The following MNT variants were observed in gnomAD, a reference collection of about 807,000 sequenced individuals.
The protein encoded by MNT is MAX network transcriptional repressor.
Under a neutral mutation model 40.7 loss-of-function variants are expected in MNT, and 13 were observed. The observed-to-expected ratio is 0.32, with a 90% CI of 0.21 to 0.51. The LOEUF is 0.51. Among genes scored for constraint, MNT ranks in the 20% least tolerant of loss-of-function variants. The pLI is 0.98. For missense variants in MNT, 757 were observed against 792.0 expected, an observed-to-expected ratio of 0.96 and a Z score of 0.53; for synonymous variants, 426 against 354.8, an observed-to-expected ratio of 1.20 and a Z score of -2.26.
At chr17:2,399,046 GGC>G (rs1230138209) in intron 1 of MNT, among the ~76,000 whole-genome samples, 1 of 148,802 alleles carries the variant, frequency 6.7e-6, no homozygotes, top group Non-Finnish European at 1.5e-5. Flanking sequence ...GGCACACGGC[GGC>G]GCGCGCGCAC....
Position 2,387,598 on chromosome 17 carries a change from C to A in MNT, c.1052G>T (p.Gly351Val). The A allele has an allele frequency of 1.2e-6, 2 of 1,614,056 alleles. No homozygotes were observed. Among genetic ancestry groups the A allele is most frequent in the Non-Finnish European group, 1.7e-6 (2 of 1,179,978 alleles). ...EDMEEDRAGL[G>V]PPKLSHRPQP... is the part of the protein sequence containing the mutation. ...GGGACGATGGCTCAGCTTAGGTGGG[C>A]CCAGGCCCGCCCGGTCCTCCTCCAT... is the stretch of plus-strand genomic sequence containing the variant. The change falls in exon 6 of 6, where the codon GGC becomes GTC. Residue 351 changes from glycine to valine, a missense_variant. Physicochemically the swap from Gly to Val is moderately radical, Grantham distance 109. This residue lies in a region of MNT where 345 missense variants were observed against 380.1 expected (regional missense o/e 0.91). Transcript: ENST00000174618.
chr17:2,387,319 G>A lies in MNT; in HGVS notation c.1331C>T (p.Thr444Ile). 1.2e-6 allele frequency: 2 copies of A among 1,613,216 alleles called. No individual in the cohort carries two copies. Among genetic ancestry groups the A allele is most frequent in the Non-Finnish European group, 1.7e-6 (2 of 1,179,778 alleles). Residue 444 changes from threonine to isoleucine, a missense_variant, in exon 6 of 6, where the codon ACA (threonine) becomes ATA (isoleucine). Physicochemically the swap from Thr to Ile is moderately conservative, Grantham distance 89. Transcript: ENST00000174618. ...GATGACTGAAGCGTGAGTGGTGGCT[G>A]TGTGGGCGATGACCGTGGAGCCACC... ...AGGGSTVIAH[T>I]ATTHASVIQT...
At chr17:2,400,157 ACT>A (rs1383150236) in intron 1 of MNT, among the ~76,000 whole-genome samples, 1 of 150,276 alleles carries the variant, frequency 6.7e-6, no homozygotes, top group African/African-American at 2.5e-5. Context: ...CCCCACCCCC[ACT>A]CCGTTACACA....
At position 2,387,105 on chromosome 17, in the gene MNT, C is replaced by A; in HGVS notation, c.1545G>T (p.Val515=). ...GGGTGTGGGCGATGTGGCTCACTGC[C>A]ACGGGCTGCGGGTACAAGGGCAGCT... ...GSQLPLYPQP[V]AVSHIAHTLS... is the part of the protein sequence containing the mutation. Residue 515 remains valine (V), a synonymous_variant, in exon 6 of 6, where the codon GTG becomes GTT. Coordinates refer to ENST00000174618, the MANE Select transcript of MNT (RefSeq NM_020310.3). 1 of 1,581,604 alleles carries A rather than the reference C, an allele frequency of 6.3e-7. No individual in the cohort carries two copies. The highest frequency in any genetic ancestry group is 8.6e-7 in the Non-Finnish European group (1 of 1,164,500).
intron 4 of MNT, 43 bp downstream of exon 4, chr17:2,394,000 A>C (rs1222032615): frequency 7.2e-7 from 1 of 1,394,932 alleles, no homozygotes; most frequent in Non-Finnish European, 9.7e-7. Flanking sequence ...CGGCGGAGGG[A>C]GGGCGGGGGA....
At chr17:2,390,093 A>G (rs1319823171) in intron 4 of MNT, 1 of 152,158 alleles carries the variant, frequency 6.6e-6, no homozygotes, top group Non-Finnish European at 1.5e-5. Flanking sequence ...CTCAACACAC[A>G]CTGTCCCTGT....
In MNT at chr17:2,387,177, G is replaced by A. The variant is rs1338159949; in HGVS notation, c.1473C>T (p.Ile491=). 3 of 1,606,608 alleles carry A rather than the reference G, an allele frequency of 1.9e-6. No individual in the cohort carries two copies. In the Admixed American group the frequency reaches 5.1e-5, roughly 28 times the overall value. Residue 491 remains isoleucine, a synonymous_variant, in exon 6 of 6, where the codon ATC becomes ATT. Coordinates refer to ENST00000174618, the MANE Select transcript of MNT (RefSeq NM_020310.3). ...LAPATPPIGH[I]TVHPATLNHV... ...GGTTGAGGGTGGCAGGGTGCACAGT[G>A]ATGTGCCCAATGGGGGGTGTGGCAG... is the stretch of plus-strand genomic sequence containing the variant.
chr17:2,400,026 A>G (rs749195784), intron 1 of MNT, among the ~76,000 whole-genome samples: 4 of 152,120 alleles, frequency 2.6e-5, no homozygotes, highest in Non-Finnish European at 4.4e-5. Context: ...AAGACACGCG[A>G]TGTCATTTCA....
chr17:2,395,539 T>G, intron 1 of MNT, 85 bp from the exon 2 acceptor site: 1 of 1,576,392 alleles, frequency 6.3e-7, no homozygotes, highest in Non-Finnish European at 8.6e-7. Flanking sequence ...CCTAGCCCAG[T>G]CAGTACTCAG....
At chr17:2,398,261 A>T (rs1804289919) in intron 1 of MNT, among the ~76,000 whole-genome samples, 2 of 152,254 alleles carry the variant, frequency 1.3e-5, no homozygotes, top group South Asian at 4.1e-4. Flanking sequence ...TGACCAGGCC[A>T]GGCCTTCCGT....
chr17:2,400,538 C>A, intron 1 of MNT, 102 bp downstream of exon 1: 1 of 1,206,624 alleles, frequency 8.3e-7, no homozygotes, highest in Non-Finnish European at 1.1e-6. Context: ...CTCCGCAGGC[C>A]GCCCGGGAGG....
In MNT at chr17:2,385,385, G is replaced by A. The variant is rs1286718197; in HGVS notation, c.*1516C>T. On this transcript the variant is annotated 3_prime_UTR_variant, in exon 6 of 6. Transcript: ENST00000174618. Reference sequence around the variant, plus strand: ...CCCATCAGTGTGAGCTTCACATCCAGGGACACCGGCTTCCTCCCGCTACAC... The same window carrying A: ...CCCATCAGTGTGAGCTTCACATCCAAGGACACCGGCTTCCTCCCGCTACAC... The A allele has an allele frequency of 1.3e-5, 2 of 152,084 alleles. No individual in the cohort carries two copies. Among genetic ancestry groups the A allele is most frequent in the Non-Finnish European group, 2.9e-5 (2 of 68,074 alleles). The allele number at this position is 152,084 out of a possible 1,614,324, so 9.4% of individuals were successfully genotyped here.
chr17:2,395,124 G>T lies in MNT; in HGVS notation c.404C>A (p.Ala135Asp). 6.8e-7 allele frequency: 1 copy of T among 1,478,910 alleles called. No individual in the cohort carries two copies. The highest frequency in any genetic ancestry group is 9.0e-7 in the Non-Finnish European group (1 of 1,116,976). The allele number at this position is 1,478,910 out of a possible 1,614,324, so 91.6% of individuals were successfully genotyped here. Residue 135 changes from alanine to aspartate, a missense_variant, in exon 2 of 6, where the codon GCC (alanine) becomes GAC (aspartate). Ala to Asp is a moderately radical substitution (Grantham distance 126, BLOSUM62 -2). Coordinates refer to ENST00000174618, the MANE Select transcript of MNT (RefSeq NM_020310.3). ...CACCTGCGGCCTGCTGGGCAGGGGG[G>T]CAGGCTCCTTAATGCTGAGTCCGGG... ...GAPGLSIKEPAPLPSRPQVPT... is the reference protein window; with the variant it reads ...GAPGLSIKEPDPLPSRPQVPT...
In MNT at chr17:2,395,287, C is replaced by A; in HGVS notation, c.241G>T (p.Ala81Ser). The A allele has an allele frequency of 6.7e-7, 1 of 1,483,018 alleles. No homozygotes were observed. Among genetic ancestry groups the A allele is most frequent in the Non-Finnish European group, 9.2e-7 (1 of 1,087,026 alleles). The allele number at this position is 1,483,018 out of a possible 1,614,324, so 91.9% of individuals were successfully genotyped here. The change falls in exon 2 of 6, where the codon GCC becomes TCC. Residue 81 changes from alanine (A) to serine (S), a missense_variant. Coordinates refer to ENST00000174618, the MANE Select transcript of MNT (RefSeq NM_020310.3). ...ATGACAGTCAGTGGGGCAGGGGTGG[C>A]AAGTGGTGGTGGGGGTGCCGGCGGG... ...APPPAPPPPLATPAPLTVIPI... is the reference protein window; with the variant it reads ...APPPAPPPPLSTPAPLTVIPI...
In MNT at chr17:2,387,252, G is replaced by A. The variant is rs2066472051; in HGVS notation, c.1398C>T (p.His466=). ...NHVLQGPGGK[H]IAHIAPSAPS... Reference sequence around the variant, plus strand: ...GGGCCGAGGGGGCGATGTGGGCGATGTGCTTGCCGCCTGGCCCCTGCAGAA... The same window carrying A: ...GGGCCGAGGGGGCGATGTGGGCGATATGCTTGCCGCCTGGCCCCTGCAGAA... Residue 466 remains histidine, a synonymous_variant, in exon 6 of 6, where the codon CAC becomes CAT. Coordinates refer to ENST00000174618, the MANE Select transcript of MNT (RefSeq NM_020310.3). 5 of 1,612,962 alleles carry A rather than the reference G, an allele frequency of 3.1e-6. No individual in the cohort carries two copies. Among genetic ancestry groups the A allele is most frequent in the Non-Finnish European group, 4.2e-6 (5 of 1,179,626 alleles).
chr17:2,384,597 C>CGTGTGCGT lies in MNT; in HGVS notation c.*2303_*2304insACGCACAC, dbSNP rs1555610474. On this transcript the variant is annotated 3_prime_UTR_variant, in exon 6 of 6. Coordinates refer to ENST00000174618, the MANE Select transcript of MNT (RefSeq NM_020310.3). ...GAGGTAAGATGTGTGCGTGTGCGTGCGTGTGTGTGTGTGTGTGTGTGTGTG... is the reference window on the plus strand; with the variant it reads ...GAGGTAAGATGTGTGCGTGTGCGTGCGTGTGCGTGTGTGTGTGTGTGTGTGTGTGTGTG... The CGTGTGCGT allele has an allele frequency of 6.9e-5, 10 of 145,770 alleles. No individual in the cohort carries two copies. In the East Asian group the frequency reaches 1.8e-3, roughly 27 times the overall value. The allele number at this position is 145,770 out of a possible 1,614,324, so 9.0% of individuals were successfully genotyped here.
chr17:2,387,758 CAT>C (rs2066479402), intron 5 of MNT, 97 bp downstream of exon 5: 23 of 1,549,282 alleles, frequency 1.5e-5, no homozygotes, highest in Non-Finnish European at 1.8e-5. Flanking sequence ...GGGCCAGGGC[CAT>C]CTTTTCTAGC....
At chr17:2,388,874 A>C (rs1448706355) in intron 4 of MNT, among the ~76,000 whole-genome samples, 1 of 152,010 alleles carries the variant, frequency 6.6e-6, no homozygotes, top group Non-Finnish European at 1.5e-5. Context: ...CGTCATGACC[A>C]ATGTGTCCAC....
In MNT at chr17:2,395,235, G is replaced by A. The variant is rs1427624793; in HGVS notation, c.293C>T (p.Pro98Leu). 1 of 1,506,680 alleles carries A rather than the reference G, an allele frequency of 6.6e-7. No individual in the cohort carries two copies. The highest frequency in any genetic ancestry group is 1.3e-5 in the South Asian group (1 of 79,036). The allele number at this position is 1,506,680 out of a possible 1,614,324, so 93.3% of individuals were successfully genotyped here. ...VIPIPVVTNS[P>L]QPLPPPPPLP... ...GGGTGGGGGTGGGGGTAGAGGCTGA[G>A]GGGAGTTGGTCACCACAGGGATAGG... is the stretch of plus-strand genomic sequence containing the variant. The change falls in exon 2 of 6, where the codon CCT becomes CTT. Residue 98 changes from proline to leucine, a missense_variant. Around this residue, in one of 4 missense-constraint regions of MNT, gnomAD observed 335 missense variants for 291.4 expected, o/e 1.15. Coordinates refer to ENST00000174618, the MANE Select transcript of MNT (RefSeq NM_020310.3).
Sources: allele counts gnomAD v4.1 joint callset (sites outside exome capture counted in the v4.1 genomes callset), GRCh38; gene constraint gnomAD v4.1.1; regional missense constraint gnomAD v4.1.1; transcripts MANE v1.5; gene names NCBI Gene and HGNC (gene_info 2026-07-23, HGNC 2026-07-21).